Variants in MEGF11 observed in about 807,000 individuals in gnomAD.
The protein encoded by MEGF11 is multiple epidermal growth factor-like domains protein 11.
In MEGF11, 126 loss-of-function variants were observed where a neutral mutation model predicts 146.6. The observed-to-expected ratio is 0.86, with a 90% CI of 0.74 to 1.00. The LOEUF (loss-of-function observed/expected upper bound fraction) is 1.00, where lower values mean the gene tolerates loss of function less well. Ranked by LOEUF, MEGF11 falls within the 50% of genes least tolerant of loss-of-function variation. The pLI, the probability that MEGF11 is intolerant of heterozygous loss-of-function variation, is 0.00. For synonymous variants in MEGF11, 532 were observed against 583.4 expected, an observed-to-expected ratio of 0.91 and a Z score of 1.27; for missense variants, 1,509 against 1,521.2, an observed-to-expected ratio of 0.99 and a Z score of 0.13.
At chr15:66,194,795 T>G (rs2090969033) in intron 1 of MEGF11, among the ~76,000 whole-genome samples, 1 of 152,130 alleles carries the variant, frequency 6.6e-6, no homozygotes, top group Non-Finnish European at 1.5e-5. Flanking sequence ...CAAACATGAC[T>G]TGTTCCCCCA....
At chr15:66,206,291 C>T (rs75301059) in intron 1 of MEGF11, among the ~76,000 whole-genome samples, 3,422 of 151,560 alleles carry the variant, frequency 0.023, 118 homozygotes, top group African/African-American at 0.078. Flanking sequence ...GGGACTATAA[C>T]AAAATATATA....
chr15:66,242,601 C>T (rs1200304451), intron 1 of MEGF11, among the ~76,000 whole-genome samples: 3 of 152,038 alleles, frequency 2.0e-5, no homozygotes, highest in Non-Finnish European at 4.4e-5. Context: ...AGCTGATATG[C>T]TCATGCCTAT....
At chr15:66,094,591 GT>G in intron 4 of MEGF11, 97 bp from the exon 5 acceptor site, 29 of 1,062,512 alleles carry the variant, frequency 2.7e-5, no homozygotes, top group Non-Finnish European at 3.8e-5. Context: ...CAACTCCCTG[GT>G]GCCCAGGGAT....
chr15:65,968,674 C>T (rs995833313), intron 8 of MEGF11, among the ~76,000 whole-genome samples: 8 of 152,102 alleles, frequency 5.3e-5, no homozygotes, highest in African/African-American at 1.9e-4. Context: ...GCCTGCGGAA[C>T]AGAAGGATAA....
chr15:66,107,054 A>ACCCCACC (rs1555471314), intron 4 of MEGF11, among the ~76,000 whole-genome samples: 5 of 132,434 alleles, frequency 3.8e-5, no homozygotes, highest in African/African-American at 1.2e-4. Flanking sequence ...TTATATTCCT[A>ACCCCACC]CCCCCCCACC....
chr15:65,965,649 C>T (rs1374761868), intron 8 of MEGF11, among the ~76,000 whole-genome samples: 3 of 106,064 alleles, frequency 2.8e-5, no homozygotes, highest in Non-Finnish European at 5.6e-5. Context: ...TCTTTTCGCC[C>T]TCTGAGGATG....
chr15:66,084,168 C>A (rs922845344), intron 5 of MEGF11, among the ~76,000 whole-genome samples: 1 of 152,092 alleles, frequency 6.6e-6, no homozygotes, highest in Non-Finnish European at 1.5e-5. Context: ...ATCGTATATG[C>A]GGTCAGTCAC....
chr15:66,117,268 T>G (rs2087776381), intron 4 of MEGF11, among the ~76,000 whole-genome samples: 1 of 152,178 alleles, frequency 6.6e-6, no homozygotes, highest in Admixed American at 6.5e-5. Flanking sequence ...CCCATCTCCC[T>G]GCCAGAACTC....
chr15:66,148,027 C>T (rs1032992180), intron 1 of MEGF11, among the ~76,000 whole-genome samples: 6 of 152,052 alleles, frequency 3.9e-5, no homozygotes, highest in Admixed American at 1.3e-4. Flanking sequence ...GAGGGACTGC[C>T]AGGAGGTACC....
chr15:66,199,780 C>T (rs1215672753), intron 1 of MEGF11, among the ~76,000 whole-genome samples: 3 of 151,962 alleles, frequency 2.0e-5, no homozygotes, highest in Non-Finnish European at 4.4e-5. Flanking sequence ...CAGAATCAGA[C>T]CCTATCTTAA....
intron 4 of MEGF11, among the ~76,000 whole-genome samples, chr15:66,113,441 T>A (rs2087544311): frequency 6.6e-6 from 1 of 152,148 alleles, no homozygotes; most frequent in Non-Finnish European, 1.5e-5. Flanking sequence ...GGGGGGAAAC[T>A]ATGTCGACCA....
rs71771559 is a variant in MEGF11, at chr15:65,982,924, CCT to C, written c.395-438_395-437del. 0.14 allele frequency among the ~76,000 whole-genome samples: 21,720 copies of C among 152,060 alleles called. 1,647 individuals are homozygous for C. The highest frequency in any genetic ancestry group is 0.2 in the Middle Eastern group (59 of 294). ...CACCCCTCTCCTCTGTGACCCTACC[CCT>C]CTCTTCTTGGGACCTGCGGGACCCA... On this transcript the variant is annotated intron_variant, in intron 5 of 25. Coordinates refer to ENST00000395614, the MANE Select transcript of MEGF11 (RefSeq NM_001385028.1). This position sits in a 1 kb window ranked among gnomAD's most constrained non-coding sequence, Gnocchi z 5.6.
rs1555455862 is a variant in MEGF11 at position 65,955,793 on chromosome 15, T to TATACACACACAC, written c.1287+1753_1287+1754insGTGTGTGTGTAT. Among the ~76,000 whole-genome samples, 21 of 6,770 alleles carry TATACACACACAC rather than the reference T, an allele frequency of 3.1e-3. 2 individuals are homozygous for TATACACACACAC. Among genetic ancestry groups the TATACACACACAC allele is most frequent in the South Asian group, 0.023 (2 of 86 alleles). The allele number at this position is 6,770 out of a possible 152,430, so 4.4% of individuals were successfully genotyped here. On this transcript the variant is annotated intron_variant, in intron 10 of 25. Coordinates refer to ENST00000395614, the MANE Select transcript of MEGF11 (RefSeq NM_001385028.1). ...ATATATATATATATATATATATATA[T>TATACACACACAC]ACACACACACACACACACACAATAC... is the stretch of plus-strand genomic sequence containing the variant.
chr15:66,039,607 G>A (rs1425999011), intron 5 of MEGF11, among the ~76,000 whole-genome samples: 3 of 152,260 alleles, frequency 2.0e-5, no homozygotes, highest in East Asian at 1.9e-4. Context: ...CTGCACCAGG[G>A]TTTAAGTTTC....
intron 7 of MEGF11, 149 bp from the exon 8 acceptor site, chr15:65,970,838 T>C: frequency 2.3e-6 from 2 of 859,672 alleles, no homozygotes; most frequent in Non-Finnish European, 3.5e-6. Flanking sequence ...AGCCCTCCTC[T>C]TAGAGATGGG....
chr15:65,908,530 T>C (rs1298086595), intron 23 of MEGF11, among the ~76,000 whole-genome samples: 1 of 152,216 alleles, frequency 6.6e-6, no homozygotes, highest in Non-Finnish European at 1.5e-5. Flanking sequence ...TGTTGGTTGA[T>C]ACATCCTGCC....
chr15:65,917,117 CACTT>C lies in MEGF11; in HGVS notation c.2087-165_2087-162del, dbSNP rs543459604. Among the ~76,000 whole-genome samples, 19 of 152,316 alleles carry C rather than the reference CACTT, an allele frequency of 1.2e-4. No individual in the cohort carries two copies. In the South Asian group the frequency reaches 3.7e-3, roughly 30 times the overall value. On this transcript the variant is annotated intron_variant, in intron 16 of 25. Coordinates refer to ENST00000395614, the MANE Select transcript of MEGF11 (RefSeq NM_001385028.1). The stretch of plus-strand genomic sequence containing the variant: ...TCATGCACTGTTCCCAGAATTCCTG[CACTT>C]ACTTCTTGGCTTAGTTACCCAGGAT...
Position 65,898,900 on chromosome 15 carries a change from A to C in MEGF11, c.3090T>G (p.Thr1030=). The change falls in exon 25 of 26, where the codon ACT becomes ACG. Residue 1030 remains threonine (T), a synonymous_variant. Coordinates refer to ENST00000395614, the MANE Select transcript of MEGF11 (RefSeq NM_001385028.1). ...GGTTTTCACTGCTATTCAAGGAACA[A>C]GTACTAGAACTGCACACGGATTCTT... is the stretch of plus-strand genomic sequence containing the variant. ...YMKESVCSSS[T]CSLNSSENPY... The C allele has an allele frequency of 6.2e-7, 1 of 1,614,004 alleles. No homozygotes were observed. The highest frequency in any genetic ancestry group is 8.5e-7 in the Non-Finnish European group (1 of 1,179,858).
intron 9 of MEGF11, among the ~76,000 whole-genome samples, chr15:65,961,120 C>T (rs1670057829): frequency 1.3e-5 from 2 of 152,178 alleles, no homozygotes; most frequent in African/African-American, 4.8e-5. Flanking sequence ...ATGCTTGGAA[C>T]CTTTGTCCCT....
Sources: gnomAD v4.1 joint callset for allele counts (sites outside exome capture counted in the v4.1 genomes callset) on GRCh38, gnomAD v4.1.1 for gene constraint, Gnocchi (gnomAD v3.1) non-coding constraint, MANE v1.5 for transcripts, NCBI Gene and HGNC (gene_info 2026-07-23, HGNC 2026-07-21) for gene names.